Variants in ZNF77 observed in about 807,000 individuals in gnomAD.
ZNF77 encodes the protein ZNFpT1.
A neutral mutation model predicts 13.5 loss-of-function variants in ZNF77; 15 were observed. That is an observed-to-expected ratio of 1.11 (90% CI 0.74 to 1.71). The LOEUF is 1.71. Among genes scored for constraint, ZNF77 ranks in the 40% most tolerant of loss-of-function variants. The probability of loss-of-function intolerance (pLI) is 0.00; values close to 1 mark genes in which losing one functional copy is unlikely to be tolerated. For missense variants in ZNF77, 717 were observed against 676.4 expected (o/e 1.06, Z -0.67); for synonymous variants, 282 against 250.0 (o/e 1.13, Z -1.21).
intron 2 of ZNF77, among the ~76,000 whole-genome samples, chr19:2,937,518 G>A (rs1044095393): frequency 6.6e-6 from 1 of 151,658 alleles, no homozygotes; most frequent in Admixed American, 6.6e-5. Flanking sequence ...AGAGATAAAC[G>A]TGGCAACCCA....
chr19:2,934,456 G>A lies in ZNF77; in HGVS notation c.671C>T (p.Pro224Leu). 1 of 1,614,138 alleles carries A rather than the reference G, an allele frequency of 6.2e-7. No individual in the cohort carries two copies. Among genetic ancestry groups the A allele is most frequent in the South Asian group, 1.1e-5 (1 of 91,078 alleles). ...CQKCGKAFICPSSFRGHVNSH... is the reference protein window; with the variant it reads ...CQKCGKAFICLSSFRGHVNSH... Reference sequence around the variant, plus strand: ...ATTCACATGTCCCCTGAAAGATGAGGGACAAATGAAAGCTTTTCCACATTT... The same window carrying A: ...ATTCACATGTCCCCTGAAAGATGAGAGACAAATGAAAGCTTTTCCACATTT... The change falls in exon 4 of 4, where the codon CCC becomes CTC. Residue 224 changes from proline (P) to leucine (L), a missense_variant. Physicochemically the swap from Pro to Leu is moderately conservative, Grantham distance 98 (BLOSUM62 -3). Transcript: ENST00000314531.
rs942702429 is a variant in ZNF77 at position 2,942,349 on chromosome 19, T to C, written c.3+2489A>G. 2.5e-3 allele frequency among the ~76,000 whole-genome samples: 367 copies of C among 148,066 alleles called. 1 individual carries two copies. The highest frequency in any genetic ancestry group is 8.9e-3 in the African/African-American group (357 of 40,218). ...CCACTCAAAGTGCTAGGATTACAGG[T>C]GTGAGCCACCGCGCCCGGCTCTTTT... is the stretch of plus-strand genomic sequence containing the variant. On this transcript the variant is annotated intron_variant, in intron 1 of 3. Transcript: ENST00000314531.
intron 1 of ZNF77, 65 bp downstream of exon 1, chr19:2,944,773 C>A: frequency 1.3e-6 from 2 of 1,481,610 alleles, no homozygotes; most frequent in South Asian, 1.3e-5. Context: ...CGAACTCGGG[C>A]GGAAGCCGGT....
chr19:2,933,351 C>T lies in ZNF77; in HGVS notation c.*138G>A, dbSNP rs543173386. The T allele has an allele frequency of 1.2e-5, 12 of 1,018,972 alleles. No homozygotes were observed. Among genetic ancestry groups the T allele is most frequent in the Admixed American group, 5.4e-5 (2 of 36,856 alleles). 63.1% of individuals were successfully genotyped at this position (1,018,972 alleles called of 1,614,324 possible). A position where few individuals can be genotyped will look rare whatever the true frequency, so the allele number is the denominator to read the frequency against. On this transcript the variant is annotated 3_prime_UTR_variant, in exon 4 of 4. Transcript: ENST00000314531. ...CATATTAATCATAATTAAGAGATTT[C>T]TCTCCTACTCTGAATTTTTAGGTAC...
At position 2,939,403 on chromosome 19, in the gene ZNF77, C is replaced by A. The variant is rs12610412; in HGVS notation, c.8G>T (p.Cys3Phe). The change falls in exon 2 of 4, where the codon TGC becomes TTC. Residue 3 changes from cysteine (C) to phenylalanine (F), a missense_variant. Transcript: ENST00000314531. MDCVIFEEVAVNF... is the reference protein window; with the variant it reads MDFVIFEEVAVNF... ...CACAGCCACTTCCTCAAAGATCACG[C>A]AGTCCTAAAACATTCCACACATCCC... The A allele has an allele frequency of 6.2e-7, 1 of 1,613,210 alleles. No individual in the cohort carries two copies. Among genetic ancestry groups the A allele is most frequent in the Non-Finnish European group, 8.5e-7 (1 of 1,179,544 alleles).
chr19:2,938,501 G>A (rs1157214754), intron 2 of ZNF77, among the ~76,000 whole-genome samples: 1 of 152,138 alleles, frequency 6.6e-6, no homozygotes, highest in Non-Finnish European at 1.5e-5. Flanking sequence ...TATAAAATGT[G>A]GGCAGCCAAG....
rs768548218 is a variant in ZNF77, at chr19:2,933,698, G to A, written c.1429C>T (p.Gln477Ter). ...NQCGKAFSHA[Q>*]YFQKHVRSHS... ...GATCTCACATGCTTTTGAAAGTACT[G>A]AGCGTGGCTGAAGGCTTTCCCACAT... The change falls in exon 4 of 4, where the codon CAG (glutamine) becomes TAG (stop). Residue 477 changes from glutamine (Q) to a stop codon, truncating the protein, a stop_gained. Transcript: ENST00000314531. LOFTEE classifies it low-confidence loss of function (END_TRUNC). 2 of 1,611,686 alleles carry A rather than the reference G, an allele frequency of 1.2e-6. No individual in the cohort carries two copies. Among genetic ancestry groups the A allele is most frequent in the East Asian group, 2.2e-5 (1 of 44,814 alleles).
At chr19:2,936,823 G>C (rs1259139328) in intron 2 of ZNF77, 119 bp from the exon 3 acceptor site, 3 of 927,910 alleles carry the variant, frequency 3.2e-6, no homozygotes, top group Admixed American at 3.2e-5. Context: ...AGGAAGAATA[G>C]ACATGCTATC....
chr19:2,933,766 T>TG lies in ZNF77; in HGVS notation c.1360dup (p.His454ProfsTer14). The TG allele has an allele frequency of 1.2e-6, 2 of 1,613,208 alleles. No individual in the cohort carries two copies. Among genetic ancestry groups the TG allele is most frequent in the Non-Finnish European group, 1.7e-6 (2 of 1,179,244 alleles). On this transcript the variant is annotated frameshift_variant, in exon 4 of 4. Coordinates refer to ENST00000314531, the MANE Select transcript of ZNF77 (RefSeq NM_021217.3). LOFTEE classifies it low-confidence loss of function (END_TRUNC). ...TTTCTCTCCGCTGTGGGTTCGCACA[T>TG]GCTCTCGAAGGGAGGAGTGACAGCT...
rs545568665 is a variant in ZNF77, at chr19:2,944,437, C to A, written c.3+401G>T. Among the ~76,000 whole-genome samples, 3 of 150,844 alleles carry A rather than the reference C, an allele frequency of 2.0e-5. No individual in the cohort carries two copies. In the Admixed American group the frequency reaches 2.0e-4, roughly 10 times the overall value. On this transcript the variant is annotated intron_variant, in intron 1 of 3. Coordinates refer to ENST00000314531, the MANE Select transcript of ZNF77 (RefSeq NM_021217.3). ...CGCTGCTATTGGCCCCCTAATCTGC[C>A]CTTGAGCCTGACTCCCTTCCACTGA...
chr19:2,942,971 G>A (rs1283939475), intron 1 of ZNF77, among the ~76,000 whole-genome samples: 6 of 151,994 alleles, frequency 3.9e-5, no homozygotes, highest in Non-Finnish European at 2.9e-5. Flanking sequence ...TAGTAGAGAT[G>A]GGATTTCACC....
rs1486821378 is a variant in ZNF77, at chr19:2,939,567, G to A, written c.4-160C>T. On this transcript the variant is annotated intron_variant, in intron 1 of 3. Transcript: ENST00000314531. Reference sequence around the variant, plus strand: ...GAAAAAGTGCAGTACACTCAATGCCGTGAGTACCTTCCCAACAGGGAGCAA... The same window carrying A: ...GAAAAAGTGCAGTACACTCAATGCCATGAGTACCTTCCCAACAGGGAGCAA... The A allele has an allele frequency of 2.5e-5, 24 of 942,728 alleles. No individual in the cohort carries two copies. The South Asian group carries it at 2.9e-4, about 12-fold the overall frequency. 58.4% of individuals were successfully genotyped at this position (942,728 alleles called of 1,614,324 possible). A position where few individuals can be genotyped will look rare whatever the true frequency, so the allele number is the denominator to read the frequency against.
At chr19:2,942,648 C>T (rs377639479) in intron 1 of ZNF77, among the ~76,000 whole-genome samples, 2 of 152,006 alleles carry the variant, frequency 1.3e-5, no homozygotes, top group East Asian at 3.8e-4. Context: ...GCTCTGTGCT[C>T]CTGGAAACCA....
Position 2,935,878 on chromosome 19 carries a change from C to T in ZNF77, c.311+646G>A, listed in dbSNP as rs139379983. 1.2e-3 allele frequency among the ~76,000 whole-genome samples: 187 copies of T among 151,858 alleles called. 1 individual carries two copies. The highest frequency in any genetic ancestry group is 4.3e-3 in the African/African-American group (179 of 41,442). On this transcript the variant is annotated intron_variant, in intron 3 of 3. Transcript: ENST00000314531. ...CAAAAACACAAAAATTAGCCAGGTG[C>T]AGTGGTGTGTGCCTATAGTCCCAGC...
intron 3 of ZNF77, 78 bp from the exon 4 acceptor site, chr19:2,934,893 T>C (rs1268491452): frequency 1.3e-6 from 2 of 1,497,472 alleles, no homozygotes; most frequent in African/African-American, 2.8e-5. Flanking sequence ...TAGTGATTAT[T>C]TTGATTACAT....
Position 2,934,665 on chromosome 19 carries a change from C to A in ZNF77, c.462G>T (p.Arg154=). The stretch of plus-strand genomic sequence containing the variant: ...GTCTCTGTCCAGTGTGAGATCTCTG[C>A]CGATTCTCGAAGGCTTTGCCACACT... The part of the protein sequence containing the change: ...CTKCGKAFEN[R]QRSHTGQRPC... The change falls in exon 4 of 4, where the codon CGG becomes CGT. Residue 154 remains arginine, a synonymous_variant. Coordinates refer to ENST00000314531, the MANE Select transcript of ZNF77 (RefSeq NM_021217.3). 6.2e-7 allele frequency: 1 copy of A among 1,614,078 alleles called. No homozygotes were observed. The highest frequency in any genetic ancestry group is 8.5e-7 in the Non-Finnish European group (1 of 1,180,020).
chr19:2,938,752 C>T lies in ZNF77; in HGVS notation c.130+529G>A, dbSNP rs374764050. ...CGGGCGGATCACGAGGTCAGGAGAT[C>T]GAGACCATCCTGGCTAACACGGTGA... is the stretch of plus-strand genomic sequence containing the variant. On this transcript the variant is annotated intron_variant, in intron 2 of 3. Coordinates refer to ENST00000314531, the MANE Select transcript of ZNF77 (RefSeq NM_021217.3). 7.5e-4 allele frequency among the ~76,000 whole-genome samples: 114 copies of T among 152,190 alleles called. 1 individual carries two copies. The highest frequency in any genetic ancestry group is 5.2e-3 in the South Asian group (25 of 4,820).
At chr19:2,943,031 C>T (rs1024708796) in intron 1 of ZNF77, among the ~76,000 whole-genome samples, 2 of 152,160 alleles carry the variant, frequency 1.3e-5, no homozygotes, top group African/African-American at 2.4e-5. Context: ...ATCCACCTGC[C>T]TCAGCCTCCC....
At position 2,933,297 on chromosome 19, in the gene ZNF77, A is replaced by G; in HGVS notation, c.*192T>C. The G allele has an allele frequency of 1.9e-6, 1 of 533,804 alleles. No homozygotes were observed. Among genetic ancestry groups the G allele is most frequent in the East Asian group, 3.0e-5 (1 of 32,974 alleles). 33.1% of individuals were successfully genotyped at this position (533,804 alleles called of 1,614,324 possible). On this transcript the variant is annotated 3_prime_UTR_variant, in exon 4 of 4. Coordinates refer to ENST00000314531, the MANE Select transcript of ZNF77 (RefSeq NM_021217.3). Reference sequence around the variant, plus strand: ...AGAAATTAATACAAAAGGAATCACTATTAAGGCTGAGGCATGTAAAGGCAA... The same window carrying G: ...AGAAATTAATACAAAAGGAATCACTGTTAAGGCTGAGGCATGTAAAGGCAA...
Sources: gnomAD v4.1 joint callset for allele counts (sites outside exome capture counted in the v4.1 genomes callset) on GRCh38, gnomAD v4.1.1 for gene constraint, MANE v1.5 for transcripts, NCBI Gene and HGNC (gene_info 2026-07-23, HGNC 2026-07-21) for gene names.